The following MACROD2 variants were observed in gnomAD, a reference collection of about 807,000 sequenced individuals.
MACROD2 encodes ADP-ribose glycohydrolase MACROD2.
Under a neutral mutation model 70.4 loss-of-function variants are expected in MACROD2, and 36 were observed. The observed-to-expected ratio is 0.51, with a 90% CI of 0.39 to 0.68. The LOEUF (loss-of-function observed/expected upper bound fraction) is 0.68, where lower values mean the gene tolerates loss of function less well. MACROD2 is among the 30% of genes least tolerant of loss of function. The pLI is 0.00. For synonymous variants in MACROD2, 172 were observed against 178.8 expected, an observed-to-expected ratio of 0.96 and a Z score of 0.30; for missense variants, 496 against 538.4, an observed-to-expected ratio of 0.92 and a Z score of 0.78.
chr20:14,985,006 AG>A (rs925406825), intron 5 of MACROD2, among the ~76,000 whole-genome samples: 2 of 152,202 alleles, frequency 1.3e-5, no homozygotes, highest in Non-Finnish European at 2.9e-5. Context: ...ATGAGAAAAC[AG>A]TGTGACCTTA....
At chr20:15,443,245 G>A (rs1424881432) in intron 7 of MACROD2, among the ~76,000 whole-genome samples, 1 of 152,052 alleles carries the variant, frequency 6.6e-6, no homozygotes, top group Non-Finnish European at 1.5e-5. Context: ...TGTGTACCTA[G>A]GAACTCTGGG....
intron 5 of MACROD2, among the ~76,000 whole-genome samples, chr20:14,973,313 C>T (rs2074709114): frequency 6.8e-6 from 1 of 147,296 alleles, no homozygotes; most frequent in Non-Finnish European, 1.5e-5. Flanking sequence ...TTCACTGCAA[C>T]CTGGGTTCAA....
chr20:14,667,965 T>A (rs542725043), intron 4 of MACROD2, among the ~76,000 whole-genome samples: 1 of 151,978 alleles, frequency 6.6e-6, no homozygotes, highest in African/African-American at 2.4e-5. Flanking sequence ...CTGGGCAACA[T>A]GGCAAGACCC....
intron 5 of MACROD2, among the ~76,000 whole-genome samples, chr20:14,846,410 A>C (rs1388223646): frequency 6.6e-6 from 1 of 151,428 alleles, no homozygotes; most frequent in Non-Finnish European, 1.5e-5. Context: ...TTTTTAGTAA[A>C]GATGGGGTTT....
At chr20:15,062,373 C>G (rs994464915) in intron 5 of MACROD2, among the ~76,000 whole-genome samples, 2 of 152,044 alleles carry the variant, frequency 1.3e-5, no homozygotes, top group Admixed American at 1.3e-4. Flanking sequence ...GATGTACTTA[C>G]GTAAAAATTA....
At chr20:14,509,372 G>T (rs1482387216) in intron 4 of MACROD2, among the ~76,000 whole-genome samples, 1 of 151,968 alleles carries the variant, frequency 6.6e-6, no homozygotes, top group Non-Finnish European at 1.5e-5. Flanking sequence ...TTAACTAATT[G>T]CATATTGGAT....
intron 3 of MACROD2, among the ~76,000 whole-genome samples, chr20:14,347,949 G>T (rs2083080558): frequency 6.6e-6 from 1 of 152,028 alleles, no homozygotes; most frequent in African/African-American, 2.4e-5. Flanking sequence ...AGTCATCCAA[G>T]ATATGAAACC....
chr20:14,109,300 A>G (rs890555198), intron 3 of MACROD2, among the ~76,000 whole-genome samples: 1 of 151,926 alleles, frequency 6.6e-6, no homozygotes, highest in Admixed American at 6.6e-5. Flanking sequence ...ACATTAATAA[A>G]GAAGAAAAAC....
chr20:15,578,345 G>C (rs372556723), intron 8 of MACROD2, among the ~76,000 whole-genome samples: 7 of 152,066 alleles, frequency 4.6e-5, no homozygotes, highest in Admixed American at 6.5e-5. Flanking sequence ...ATTTTTTGCC[G>C]GGTGACTTAG....
intron 3 of MACROD2, among the ~76,000 whole-genome samples, chr20:14,486,459 A>G: frequency 6.6e-6 from 1 of 151,550 alleles, no homozygotes. Flanking sequence ...AAGGGCAAGT[A>G]TAGAGAATGG....
chr20:14,748,798 C>G (rs967737407), intron 5 of MACROD2, among the ~76,000 whole-genome samples: 3 of 152,036 alleles, frequency 2.0e-5, no homozygotes, highest in Non-Finnish European at 4.4e-5. Context: ...GAGCAGACTA[C>G]AGTTCTTAGG....
At chr20:15,233,748 G>A (rs2076979636) in intron 6 of MACROD2, among the ~76,000 whole-genome samples, 1 of 151,020 alleles carries the variant, frequency 6.6e-6, no homozygotes, top group Non-Finnish European at 1.5e-5. Flanking sequence ...ATGATTTAGT[G>A]CTTAATATCA....
intron 4 of MACROD2, among the ~76,000 whole-genome samples, chr20:14,606,694 A>G (rs1982827593): frequency 1.3e-5 from 2 of 152,150 alleles, no homozygotes; most frequent in Non-Finnish European, 2.9e-5. Flanking sequence ...GAACCTATCC[A>G]GAAACTCCTA....
intron 5 of MACROD2, among the ~76,000 whole-genome samples, chr20:15,206,502 G>C (rs2076703591): frequency 1.3e-5 from 2 of 151,900 alleles, no homozygotes; most frequent in Admixed American, 1.3e-4. Flanking sequence ...AATCAATGTG[G>C]AGAATATTTC....
intron 4 of MACROD2, among the ~76,000 whole-genome samples, chr20:14,662,121 TAA>T (rs1472994238): frequency 6.6e-6 from 1 of 151,806 alleles, no homozygotes; most frequent in Non-Finnish European, 1.5e-5. Context: ...TAAAAAGAAC[TAA>T]AAAAAGATGA....
At chr20:15,961,726 T>G (rs2066064601) in intron 12 of MACROD2, among the ~76,000 whole-genome samples, 2 of 152,196 alleles carry the variant, frequency 1.3e-5, no homozygotes, top group Admixed American at 6.5e-5. Flanking sequence ...ATAAAACACT[T>G]GTACTCTCCC....
At chr20:14,963,183 G>A (rs1385268518) in intron 5 of MACROD2, among the ~76,000 whole-genome samples, 1 of 152,110 alleles carries the variant, frequency 6.6e-6, no homozygotes, top group Non-Finnish European at 1.5e-5. Flanking sequence ...TGCAGGTAGA[G>A]ATTATTGAGT....
chr20:15,973,260 A>G (rs1334613322), intron 13 of MACROD2, among the ~76,000 whole-genome samples: 1 of 151,872 alleles, frequency 6.6e-6, no homozygotes, highest in Non-Finnish European at 1.5e-5. Context: ...AGAAAGAAAA[A>G]GAGGAAATGA....
chr20:15,089,739 T>G (rs1217241131), intron 5 of MACROD2, among the ~76,000 whole-genome samples: 1 of 152,062 alleles, frequency 6.6e-6, no homozygotes, highest in Non-Finnish European at 1.5e-5. Flanking sequence ...ACTAACTTCT[T>G]TTACTGCACA....
Sources: gnomAD v4.1 joint callset for allele counts (sites outside exome capture counted in the v4.1 genomes callset) on GRCh38, gnomAD v4.1.1 for gene constraint, MANE v1.5 for transcripts, NCBI Gene and HGNC (gene_info 2026-07-23, HGNC 2026-07-21) for gene names.